FOCAD: variants seen among roughly 807,000 people sequenced by gnomAD.
The protein encoded by FOCAD is focadhesin, also known as KIAA1797.
Under a neutral mutation model 225.6 loss-of-function variants are expected in FOCAD, and 198 were observed. The ratio of observed to expected loss-of-function variants is 0.88; its 90% CI spans 0.78 to 0.99. The LOEUF (loss-of-function observed/expected upper bound fraction) is 0.99, where lower values mean the gene tolerates loss of function less well. Among genes scored for constraint, FOCAD ranks in the 50% least tolerant of loss-of-function variants. The probability of loss-of-function intolerance (pLI) is 0.00; values close to 1 mark genes in which losing one functional copy is unlikely to be tolerated. For missense variants in FOCAD, 2,713 were observed against 2,123.6 expected (o/e 1.28, Z -5.46); for synonymous variants, 897 against 755.0 (o/e 1.19, Z -3.08).
intron 9 of FOCAD, among the ~76,000 whole-genome samples, chr9:20,779,773 G>A (rs1275650668): frequency 6.6e-6 from 1 of 152,018 alleles, no homozygotes. Context: ...AAGTGTGCGA[G>A]ATAAATACTT....
At chr9:20,701,756 G>T (rs1303735257) in intron 1 of FOCAD, among the ~76,000 whole-genome samples, 1 of 152,188 alleles carries the variant, frequency 6.6e-6, no homozygotes, top group Non-Finnish European at 1.5e-5. Context: ...TTTATGTTTT[G>T]TGCTCTGGGC....
intron 21 of FOCAD, among the ~76,000 whole-genome samples, chr9:20,900,204 G>C (rs1027303751): frequency 1.3e-5 from 2 of 151,842 alleles, no homozygotes; most frequent in African/African-American, 4.8e-5. Flanking sequence ...TTTCTCCCTG[G>C]ATGAGAATGG....
At chr9:20,748,312 G>T (rs1828241201) in intron 5 of FOCAD, among the ~76,000 whole-genome samples, 1 of 151,834 alleles carries the variant, frequency 6.6e-6, no homozygotes, top group African/African-American at 2.4e-5. Context: ...TTTTGGAAAT[G>T]GTCTTTATAG....
At chr9:20,794,471 CT>C (rs1406130382) in intron 11 of FOCAD, among the ~76,000 whole-genome samples, 2 of 152,112 alleles carry the variant, frequency 1.3e-5, no homozygotes, top group Non-Finnish European at 2.9e-5. Context: ...GTTCTAACAA[CT>C]TTCTAATAGG....
chr9:20,799,394 G>T (rs543555201), intron 11 of FOCAD, among the ~76,000 whole-genome samples: 2 of 152,162 alleles, frequency 1.3e-5, no homozygotes, highest in Non-Finnish European at 2.9e-5. Flanking sequence ...TCAATTCCTG[G>T]ATACCCTTGT....
chr9:20,823,561 A>G (rs1448493556), intron 15 of FOCAD, among the ~76,000 whole-genome samples: 1 of 152,064 alleles, frequency 6.6e-6, no homozygotes, highest in Non-Finnish European at 1.5e-5. Context: ...TAGGGTGGGT[A>G]AATGTTAGAA....
At chr9:20,761,502 C>T (rs10964687) in intron 6 of FOCAD, among the ~76,000 whole-genome samples, 7,014 of 152,056 alleles carry the variant, frequency 0.046, 187 homozygotes, top group Middle Eastern at 0.085. Flanking sequence ...CTCATTGCAA[C>T]CTCTGCCTCA....
intron 35 of FOCAD, among the ~76,000 whole-genome samples, chr9:20,953,329 C>T (rs1837852772): frequency 6.6e-6 from 1 of 152,168 alleles, no homozygotes; most frequent in South Asian, 2.1e-4. Flanking sequence ...TCCCATTTGG[C>T]CCTTTCCAAA....
Position 20,944,760 on chromosome 9 carries a change from A to G in FOCAD, c.3541A>G (p.Arg1181Gly), listed in dbSNP as rs907926977. ...AHVDDSGSQS[R>G]TFQEVLAYTL... is the part of the protein sequence containing the mutation. ...CGTAGATGACAGCGGGAGCCAGAGC[A>G]GAACGTTTCAGGAGGTAAGAGATGG... The change falls in exon 29 of 44, where the codon AGA (arginine) becomes GGA (glycine). Residue 1181 changes from arginine to glycine, a missense_variant. By Grantham distance (125) the Arg-to-Gly change is moderately radical. Coordinates refer to ENST00000338382, the MANE Select transcript of FOCAD (RefSeq NM_001375567.1). The G allele has an allele frequency of 2.5e-6, 4 of 1,612,648 alleles. No homozygotes were observed. Among genetic ancestry groups the G allele is most frequent in the African/African-American group, 2.7e-5 (2 of 74,932 alleles).
upstream of FOCAD, among the ~76,000 whole-genome samples, chr9:20,679,392 T>C (rs1218579509): frequency 2.6e-5 from 4 of 152,144 alleles, no homozygotes; most frequent in Non-Finnish European, 4.4e-5. Context: ...GATGAATGGG[T>C]GGGCGTGTTG....
Position 20,976,467 on chromosome 9 carries a change from A to T in FOCAD, c.4180A>T (p.Ile1394Leu). The change falls in exon 36 of 44, where the codon ATA becomes TTA. Residue 1394 changes from isoleucine to leucine, a missense_variant. Physicochemically the swap from Ile to Leu is conservative, Grantham distance 5 (BLOSUM62 2). Transcript: ENST00000338382. ...CCTTCTTAAAGTAGTGATGAAACCC[A>T]TAGCAACTGTTGGAGAAAGCTACCA... ...PSLLKVVMKP[I>L]ATVGESYQYP... 1 of 1,613,296 alleles carries T rather than the reference A, an allele frequency of 6.2e-7. No homozygotes were observed. The highest frequency in any genetic ancestry group is 1.1e-5 in the South Asian group (1 of 91,074).
intron 24 of FOCAD, among the ~76,000 whole-genome samples, chr9:20,921,210 T>G (rs1233351698): frequency 6.6e-6 from 1 of 152,158 alleles, no homozygotes; most frequent in Non-Finnish European, 1.5e-5. Flanking sequence ...AAGTATTGAG[T>G]CACTTTACTA....
Position 20,810,520 on chromosome 9 carries a change from G to C in FOCAD, c.1456-9276G>C, listed in dbSNP as rs557129116. Reference sequence around the variant, plus strand: ...GTGGCAGAAATGTGTAGCTACTTTTGTCCAAGAAGGAAATTCTATGGATAC... The same window carrying C: ...GTGGCAGAAATGTGTAGCTACTTTTCTCCAAGAAGGAAATTCTATGGATAC... On this transcript the variant is annotated intron_variant, in intron 11 of 43. Transcript: ENST00000338382. 3.5e-4 allele frequency among the ~76,000 whole-genome samples: 53 copies of C among 152,184 alleles called. No individual in the cohort carries two copies. In the South Asian group the frequency reaches 4.1e-3, roughly 12 times the overall value.
intron 28 of FOCAD, among the ~76,000 whole-genome samples, chr9:20,937,112 A>C (rs906535530): frequency 2.6e-5 from 4 of 150,980 alleles, no homozygotes; most frequent in East Asian, 3.9e-4. Flanking sequence ...TTCCATGCTC[A>C]TGGGTAGGAA....
intron 11 of FOCAD, among the ~76,000 whole-genome samples, chr9:20,804,715 G>A (rs768521804): frequency 1.3e-5 from 2 of 152,102 alleles, no homozygotes; most frequent in African/African-American, 4.8e-5. Context: ...ATCTATTACC[G>A]TTATTAGAGA....
Position 20,950,512 on chromosome 9 carries a change from A to G in FOCAD, c.3949-484A>G, listed in dbSNP as rs574432006. ...TAATTCTACTGAAATTTAAGTTACC[A>G]TAATGTGGGAGAAAAAATCTGTAAA... On this transcript the variant is annotated intron_variant, in intron 33 of 43. Coordinates refer to ENST00000338382, the MANE Select transcript of FOCAD (RefSeq NM_001375567.1). Among the ~76,000 whole-genome samples the G allele has an allele frequency of 4.3e-4, 66 of 152,324 alleles. 1 individual carries two copies. In the South Asian group the frequency reaches 5.2e-3, roughly 12 times the overall value.
At chr9:20,907,111 C>A in intron 21 of FOCAD, 39 bp from the exon 22 acceptor site, 1 of 1,432,392 alleles carries the variant, frequency 7.0e-7, no homozygotes, top group Non-Finnish European at 9.8e-7. Flanking sequence ...TTTTTTAATA[C>A]TGTGTAGCCT....
intron 11 of FOCAD, among the ~76,000 whole-genome samples, chr9:20,795,443 G>A (rs963728137): frequency 2.0e-5 from 3 of 152,032 alleles, no homozygotes; most frequent in African/African-American, 4.8e-5. Context: ...ACCTGAAATT[G>A]AAAATTAAAT....
intron 15 of FOCAD, among the ~76,000 whole-genome samples, chr9:20,857,717 G>T (rs1828327736): frequency 6.8e-6 from 1 of 147,830 alleles, no homozygotes; most frequent in Non-Finnish European, 1.5e-5. Context: ...ACTAGCTGTT[G>T]ATCTGTCTTA....
Sources: allele counts gnomAD v4.1 joint callset (sites outside exome capture counted in the v4.1 genomes callset), GRCh38; gene constraint gnomAD v4.1.1; transcripts MANE v1.5; gene names NCBI Gene and HGNC (gene_info 2026-07-23, HGNC 2026-07-21).